CDC42BPA: variants seen among roughly 807,000 people sequenced by gnomAD.
The protein encoded by CDC42BPA is CDC42 binding protein kinase alpha.
CDC42BPA carries 80 observed loss-of-function variants against 223.5 expected under a neutral mutation model. The observed-to-expected ratio is 0.36, with a 90% CI of 0.30 to 0.43. The LOEUF (loss-of-function observed/expected upper bound fraction) is 0.43, where lower values mean the gene tolerates loss of function less well. Among genes scored for constraint, CDC42BPA ranks in the 20% least tolerant of loss-of-function variants. CDC42BPA has a pLI of 1.00. For missense variants in CDC42BPA, 1,743 were observed against 2,099.9 expected (o/e 0.83, Z 3.32); for synonymous variants, 694 against 718.6 (o/e 0.97, Z 0.55).
At position 227,243,954 on chromosome 1, in the gene CDC42BPA, T is replaced by C. The variant is rs550496271; in HGVS notation, c.270+10110A>G. On this transcript the variant is annotated intron_variant, in intron 2 of 36. Transcript: ENST00000366766. Reference sequence around the variant, plus strand: ...TGAAAATGTGTTCAAATGTAGGCGCTATCAAGAAATGCGAAATGAAATAAC... The same window carrying C: ...TGAAAATGTGTTCAAATGTAGGCGCCATCAAGAAATGCGAAATGAAATAAC... 6.0e-5 allele frequency among the ~76,000 whole-genome samples: 9 copies of C among 150,486 alleles called. No individual in the cohort carries two copies. In the South Asian group the frequency reaches 1.9e-3, roughly 31 times the overall value.
intron 15 of CDC42BPA, among the ~76,000 whole-genome samples, chr1:227,093,122 C>T (rs1683386910): frequency 6.6e-6 from 1 of 152,178 alleles, no homozygotes; most frequent in African/African-American, 2.4e-5. Flanking sequence ...TTTCCTTGGT[C>T]TAGAACAGTT....
chr1:227,171,817 G>A (rs1481504761), intron 5 of CDC42BPA, among the ~76,000 whole-genome samples: 1 of 152,086 alleles, frequency 6.6e-6, no homozygotes, highest in Non-Finnish European at 1.5e-5. Context: ...ACTATAGAGG[G>A]TTATTTTAAT....
chr1:227,158,864 T>C (rs1038278324), intron 6 of CDC42BPA, among the ~76,000 whole-genome samples: 1 of 152,158 alleles, frequency 6.6e-6, no homozygotes, highest in South Asian at 2.1e-4. Context: ...CTCTGCACAA[T>C]TCCCTCCTCT....
intron 16 of CDC42BPA, among the ~76,000 whole-genome samples, chr1:227,089,019 C>T (rs748476371): frequency 2.0e-5 from 3 of 152,128 alleles, no homozygotes; most frequent in Non-Finnish European, 2.9e-5. Context: ...AGCCACTGTG[C>T]CCAGCTGGCA....
intron 21 of CDC42BPA, among the ~76,000 whole-genome samples, chr1:227,064,414 C>G (rs1038269554): frequency 2.0e-5 from 3 of 152,154 alleles, no homozygotes; most frequent in Admixed American, 6.6e-5. Flanking sequence ...ATAATACTCT[C>G]AAGCCAAGCT....
At chr1:227,163,091 TGTGTGTTTCC>T (rs879732968) in intron 5 of CDC42BPA, among the ~76,000 whole-genome samples, 19,864 of 125,770 alleles carry the variant, frequency 0.16, 2,184 homozygotes, top group Non-Finnish European at 0.18. Context: ...TTTCCAAACA[TGTGTGTTTCC>T]AAACATATAT....
chr1:227,117,781 A>C (rs971951652), intron 12 of CDC42BPA, among the ~76,000 whole-genome samples: 1 of 152,166 alleles, frequency 6.6e-6, no homozygotes, highest in Non-Finnish European at 1.5e-5. Context: ...AAATATTGAT[A>C]AATCTGGCCA....
In CDC42BPA at chr1:227,088,592, AAAC is replaced by A. The variant is rs1167326458; in HGVS notation, c.2355+3291_2355+3293del. On this transcript the variant is annotated intron_variant, in intron 16 of 36. Transcript: ENST00000366766. ...ATTTTTTGAAAATATTTTAAAAACA[AAAC>A]AAGTTTTAAAAACAAATTACAACTT... 5.3e-5 allele frequency among the ~76,000 whole-genome samples: 8 copies of A among 152,378 alleles called. No individual in the cohort carries two copies. In the East Asian group the frequency reaches 1.2e-3, roughly 22 times the overall value.
chr1:227,060,266 C>T (rs1258781991), intron 21 of CDC42BPA, among the ~76,000 whole-genome samples: 1 of 151,978 alleles, frequency 6.6e-6, no homozygotes, highest in Admixed American at 6.6e-5. Context: ...CTCCTGACCT[C>T]GTGATCCACC....
At chr1:227,080,381 C>A (rs1446227910) in intron 17 of CDC42BPA, among the ~76,000 whole-genome samples, 2 of 151,870 alleles carry the variant, frequency 1.3e-5, no homozygotes, top group African/African-American at 4.8e-5. Flanking sequence ...AAACTAAATC[C>A]CAAGAGCTTA....
intron 1 of CDC42BPA, among the ~76,000 whole-genome samples, chr1:227,268,474 T>C (rs552237515): frequency 6.6e-5 from 10 of 151,760 alleles, no homozygotes; most frequent in African/African-American, 2.4e-4. Flanking sequence ...AAATAAAATA[T>C]TGTGATATGG....
chr1:227,001,855 C>T (rs1350447584), intron 35 of CDC42BPA, among the ~76,000 whole-genome samples: 1 of 151,766 alleles, frequency 6.6e-6, no homozygotes, highest in Non-Finnish European at 1.5e-5. Context: ...TTCAGTGAGC[C>T]AAGATCGTGC....
chr1:227,282,954 CT>C (rs1274404173), intron 1 of CDC42BPA, among the ~76,000 whole-genome samples: 1 of 152,104 alleles, frequency 6.6e-6, no homozygotes, highest in Non-Finnish European at 1.5e-5. Context: ...CTTGATGTCA[CT>C]GAACTATACA....
chr1:227,133,977 A>AAATAAATG (rs1657959478), intron 10 of CDC42BPA, among the ~76,000 whole-genome samples: 2 of 150,732 alleles, frequency 1.3e-5, no homozygotes, highest in Admixed American at 6.6e-5. Context: ...ATAAATGAAT[A>AAATAAATG]AATAAATAAA....
At chr1:227,206,295 A>G (rs530185758) in intron 3 of CDC42BPA, among the ~76,000 whole-genome samples, 217 of 152,342 alleles carry the variant, frequency 1.4e-3, no homozygotes, top group Admixed American at 2.3e-3. Flanking sequence ...ATGAACTTGT[A>G]GAGTTATTGG....
rs141999661 is a variant in CDC42BPA at position 227,135,602 on chromosome 1, C to T, written c.1390+3974G>A. On this transcript the variant is annotated intron_variant, in intron 10 of 36. Transcript: ENST00000366766. ...AGGCACAGTGGCTCTTGCCTGTAAT[C>T]CCAGCACTTAGGGAGGCTGAGACGG... Among the ~76,000 whole-genome samples, 562 of 152,144 alleles carry T rather than the reference C, an allele frequency of 3.7e-3. 3 individuals carry two copies. The highest frequency in any genetic ancestry group is 0.013 in the African/African-American group (543 of 41,510).
At position 227,040,155 on chromosome 1, in the gene CDC42BPA, T is replaced by C; in HGVS notation, c.3175A>G (p.Ile1059Val). 1 of 1,610,718 alleles carries C rather than the reference T, an allele frequency of 6.2e-7. No individual in the cohort carries two copies. Among genetic ancestry groups the C allele is most frequent in the Non-Finnish European group, 8.5e-7 (1 of 1,177,044 alleles). ...CCTTCACATGAACAGCCCTGTCTTA[T>C]TAAACCCACCATCAAGGAGGTACAC... ...HQCTSLMVGLIRQGCSCEVCG... is the reference protein window; with the variant it reads ...HQCTSLMVGLVRQGCSCEVCG... The change falls in exon 24 of 37, where the codon ATA (isoleucine) becomes GTA (valine). Residue 1059 changes from isoleucine (I) to valine (V), a missense_variant. Coordinates refer to ENST00000366766, the MANE Select transcript of CDC42BPA (RefSeq NM_001394014.1).
chr1:227,166,311 T>C (rs114748114), intron 5 of CDC42BPA, among the ~76,000 whole-genome samples: 224 of 152,290 alleles, frequency 1.5e-3, no homozygotes, highest in African/African-American at 5.2e-3. Context: ...TAGTCATCTG[T>C]TGTGTTTGAA....
At chr1:227,040,274 T>A in intron 23 of CDC42BPA, 38 bp from the exon 24 acceptor site, 1 of 1,330,052 alleles carries the variant, frequency 7.5e-7, no homozygotes, top group Non-Finnish European at 1.1e-6. Flanking sequence ...ACAGATTGTT[T>A]AAAAGATTTC....
Sources: gnomAD v4.1 joint callset for allele counts (sites outside exome capture counted in the v4.1 genomes callset) on GRCh38, gnomAD v4.1.1 for gene constraint, MANE v1.5 for transcripts, NCBI Gene and HGNC (gene_info 2026-07-23, HGNC 2026-07-21) for gene names.